PCDH9: variants seen among roughly 807,000 people sequenced by gnomAD.
PCDH9 encodes protocadherin-9.
Under a neutral mutation model 70.6 loss-of-function variants are expected in PCDH9, and 24 were observed. That is an observed-to-expected ratio of 0.34 (90% CI 0.25 to 0.48). The LOEUF (loss-of-function observed/expected upper bound fraction) is 0.48. PCDH9 is among the 20% of genes least tolerant of loss of function. The pLI is 0.99. For missense variants in PCDH9, 1,281 were observed against 1,503.6 expected, an observed-to-expected ratio of 0.85 and a Z score of 2.45; for synonymous variants, 562 against 558.5, an observed-to-expected ratio of 1.01 and a Z score of -0.09.
At chr13:66,902,098 A>T (rs2082284954) in intron 3 of PCDH9, among the ~76,000 whole-genome samples, 1 of 151,702 alleles carries the variant, frequency 6.6e-6, no homozygotes, top group Non-Finnish European at 1.5e-5. Context: ...TATCTTAGAT[A>T]GTTGAAACAT....
intron 2 of PCDH9, among the ~76,000 whole-genome samples, chr13:67,087,087 TAAAAA>T (rs36017495): frequency 1.1e-4 from 14 of 123,764 alleles, no homozygotes; most frequent in African/African-American, 4.2e-4. Flanking sequence ...TGATGTTTTG[TAAAAA>T]AAAAAAAAAA....
At chr13:67,153,435 T>C (rs2138392688) in intron 2 of PCDH9, among the ~76,000 whole-genome samples, 1 of 152,222 alleles carries the variant, frequency 6.6e-6, no homozygotes, top group Middle Eastern at 3.4e-3. Flanking sequence ...TTCCCAAGCG[T>C]GGGGATTATA....
chr13:66,713,612 A>AGT (rs140475590), intron 3 of PCDH9, among the ~76,000 whole-genome samples: 35 of 110,928 alleles, frequency 3.2e-4, no homozygotes, highest in African/African-American at 1.1e-3. Context: ...ATATATATAA[A>AGT]GTGTGTGTGT....
intron 3 of PCDH9, among the ~76,000 whole-genome samples, chr13:66,894,570 C>T (rs1474105379): frequency 6.6e-6 from 1 of 152,066 alleles, no homozygotes. Context: ...ATAAGACTAA[C>T]TATAACTGAA....
chr13:66,540,931 G>T (rs1960926485), intron 4 of PCDH9, among the ~76,000 whole-genome samples: 1 of 152,084 alleles, frequency 6.6e-6, no homozygotes. Context: ...GACAGCCTTG[G>T]CTGCTCATTT....
At chr13:66,885,091 G>A (rs1052204423) in intron 3 of PCDH9, among the ~76,000 whole-genome samples, 3 of 151,894 alleles carry the variant, frequency 2.0e-5, no homozygotes, top group East Asian at 1.9e-4. Context: ...TTGCCTAGAC[G>A]GTACTACTCC....
chr13:66,401,199 C>A (rs899351877), intron 4 of PCDH9, among the ~76,000 whole-genome samples: 7 of 152,118 alleles, frequency 4.6e-5, no homozygotes, highest in East Asian at 1.9e-4. Flanking sequence ...ACCCAAATCT[C>A]ATCTTGAATT....
chr13:66,853,309 T>G (rs959600071), intron 3 of PCDH9, among the ~76,000 whole-genome samples: 1 of 151,892 alleles, frequency 6.6e-6, no homozygotes. Context: ...ATCTTTCTGG[T>G]CTCCATTCCT....
intron 3 of PCDH9, among the ~76,000 whole-genome samples, chr13:66,788,863 A>G (rs1387738025): frequency 6.6e-6 from 1 of 152,010 alleles, no homozygotes; most frequent in African/African-American, 2.4e-5. Context: ...ACTCAGGCAC[A>G]ATTTCCTAGA....
intron 4 of PCDH9, among the ~76,000 whole-genome samples, chr13:66,448,663 G>A (rs1421579331): frequency 6.6e-6 from 1 of 152,080 alleles, no homozygotes; most frequent in East Asian, 1.9e-4. Flanking sequence ...GCTAACAAAG[G>A]CAAATTAGAC....
At chr13:67,061,068 A>G (rs1006438856) in intron 2 of PCDH9, among the ~76,000 whole-genome samples, 1 of 152,118 alleles carries the variant, frequency 6.6e-6, no homozygotes, top group Non-Finnish European at 1.5e-5. Context: ...TTGTACTCAT[A>G]TGAAGTTAGA....
intron 2 of PCDH9, among the ~76,000 whole-genome samples, chr13:67,062,556 T>C (rs1376865244): frequency 6.6e-6 from 1 of 152,170 alleles, no homozygotes; most frequent in Non-Finnish European, 1.5e-5. Context: ...CTGATGTATA[T>C]TGAAAAGGAA....
At chr13:67,052,844 C>G (rs1057146230) in intron 2 of PCDH9, among the ~76,000 whole-genome samples, 2 of 152,086 alleles carry the variant, frequency 1.3e-5, no homozygotes, top group Non-Finnish European at 2.9e-5. Context: ...GTGGTTAATG[C>G]TATCTACTAA....
chr13:66,907,777 A>G (rs999069056), intron 2 of PCDH9, among the ~76,000 whole-genome samples: 10 of 152,186 alleles, frequency 6.6e-5, no homozygotes, highest in Admixed American at 5.2e-4. Flanking sequence ...TGCAGTAGCA[A>G]TGCTTAGTAT....
At chr13:66,561,388 C>T (rs1030535809) in intron 4 of PCDH9, among the ~76,000 whole-genome samples, 3 of 152,222 alleles carry the variant, frequency 2.0e-5, no homozygotes, top group African/African-American at 4.8e-5. Context: ...CCATCCACCA[C>T]CCAAGGGCTG....
chr13:67,165,825 C>T (rs1476275734), intron 2 of PCDH9, among the ~76,000 whole-genome samples: 2 of 152,080 alleles, frequency 1.3e-5, no homozygotes, highest in Non-Finnish European at 2.9e-5. Flanking sequence ...GACGCATGGA[C>T]ATTTGCATTT....
chr13:66,610,999 A>C (rs535186146), intron 4 of PCDH9, among the ~76,000 whole-genome samples: 1 of 152,288 alleles, frequency 6.6e-6, no homozygotes, highest in Admixed American at 6.5e-5. Flanking sequence ...TTTTTCATTC[A>C]TTGAAAAATT....
intron 2 of PCDH9, chr13:67,222,499 T>C (rs552070769): frequency 1.3e-4 from 20 of 152,266 alleles, no homozygotes; most frequent in Non-Finnish European, 2.9e-4. Context: ...GGAATTGATG[T>C]ACCACAAACA....
At chr13:66,513,071 G>T (rs1959562723) in intron 4 of PCDH9, among the ~76,000 whole-genome samples, 1 of 151,910 alleles carries the variant, frequency 6.6e-6, no homozygotes, top group Non-Finnish European at 1.5e-5. Flanking sequence ...CACCTGCCTG[G>T]ACCCCCAAAG....
Sources: gnomAD v4.1 joint callset for allele counts (sites outside exome capture counted in the v4.1 genomes callset) on GRCh38, gnomAD v4.1.1 for gene constraint, MANE v1.5 for transcripts, NCBI Gene and HGNC (gene_info 2026-07-23, HGNC 2026-07-21) for gene names.